The following BOD1L1 variants were observed in gnomAD, a reference collection of about 807,000 sequenced individuals.
BOD1L1 encodes biorientation of chromosomes in cell division 1 like 1, also known as biorientation of chromosomes in cell division protein 1-like 1.
BOD1L1 carries 86 observed loss-of-function variants against 240.7 expected under a neutral mutation model. That is an observed-to-expected ratio of 0.36 (90% CI 0.30 to 0.43). The LOEUF (loss-of-function observed/expected upper bound fraction) is 0.43. BOD1L1 is among the 20% of genes least tolerant of loss of function. BOD1L1 has a pLI of 1.00. For synonymous variants in BOD1L1, 1,268 were observed against 1,272.3 expected, an observed-to-expected ratio of 1.00 and a Z score of 0.07; for missense variants, 3,554 against 3,643.5, an observed-to-expected ratio of 0.98 and a Z score of 0.63.
chr4:13,602,625 T>C lies in BOD1L1; in HGVS notation c.4275A>G (p.Thr1425=), dbSNP rs760544620. ...DLNAEPNLKQ[T]IKATVENGKK... ...TGCCATTCTCTACTGTTGCTTTAAT[T>C]GTCTGCTTTAAATTGGGCTCTGCAT... The change falls in exon 10 of 26, where the codon ACA becomes ACG. Residue 1425 remains threonine, a synonymous_variant. Coordinates refer to ENST00000040738, the MANE Select transcript of BOD1L1 (RefSeq NM_148894.3). 1.5e-5 allele frequency: 25 copies of C among 1,613,962 alleles called. No individual in the cohort carries two copies. Among genetic ancestry groups the C allele is most frequent in the Non-Finnish European group, 2.0e-5 (24 of 1,179,910 alleles).
At chr4:13,582,149 A>T in intron 19 of BOD1L1, 88 bp downstream of exon 19, 1 of 1,133,694 alleles carries the variant, frequency 8.8e-7, no homozygotes, top group Non-Finnish European at 1.3e-6. Flanking sequence ...AGTACTTAAG[A>T]AAAACTCAAG....
rs759677339 is a variant in BOD1L1, at chr4:13,599,058, A to G, written c.7842T>C (p.Thr2614=). Residue 2614 remains threonine, a synonymous_variant, in exon 10 of 26, where the codon ACT becomes ACC. Transcript: ENST00000040738. ...CTGTTTTCTCAGCAGATGCTTGATCAGTCCATTTGCCACTATAATCATTCT... is the reference window on the plus strand; with the variant it reads ...CTGTTTTCTCAGCAGATGCTTGATCGGTCCATTTGCCACTATAATCATTCT... ...TIKNDYSGKW[T]DQASAEKTGD... 2 of 1,614,034 alleles carry G rather than the reference A, an allele frequency of 1.2e-6. No homozygotes were observed. Among genetic ancestry groups the G allele is most frequent in the South Asian group, 2.2e-5 (2 of 91,088 alleles).
intron 2 of BOD1L1, among the ~76,000 whole-genome samples, chr4:13,616,651 C>G (rs2108989183): frequency 6.6e-6 from 1 of 152,316 alleles, no homozygotes. Flanking sequence ...GGATGAGGAG[C>G]CATCTTTCCT....
intron 10 of BOD1L1, 51 bp from the exon 11 acceptor site, chr4:13,597,219 A>G: frequency 7.2e-7 from 1 of 1,398,598 alleles, no homozygotes; most frequent in Non-Finnish European, 9.9e-7. Context: ...CTTGCAAAAT[A>G]CATCTGGGGT....
intron 12 of BOD1L1, chr4:13,592,285 A>C: frequency 7.8e-6 from 2 of 255,508 alleles, no homozygotes; most frequent in East Asian, 8.7e-5. Flanking sequence ...AAAGACCTTA[A>C]TGTAGCTGTT....
rs1376992964 is a variant in BOD1L1, at chr4:13,614,000, T to C, written c.1174+196A>G. On this transcript the variant is annotated intron_variant, in intron 4 of 25. Transcript: ENST00000040738. This position sits in a 1 kb window ranked among gnomAD's most constrained non-coding sequence, Gnocchi z 4.0. ...ACAAATTATAAATTAATAACTTCTG[T>C]TAATTTACTCTGTGAACAGATATAT... 3.3e-5 allele frequency among the ~76,000 whole-genome samples: 5 copies of C among 152,190 alleles called. No individual in the cohort carries two copies. The highest frequency in any genetic ancestry group is 7.4e-5 in the Non-Finnish European group (5 of 68,026).
rs867559370 is a variant in BOD1L1, at chr4:13,599,565, T to C, written c.7335A>G (p.Ala2445=). 6.2e-7 allele frequency: 1 copy of C among 1,614,070 alleles called. No homozygotes were observed. Residue 2445 remains alanine, a synonymous_variant, in exon 10 of 26, where the codon GCA becomes GCG. Transcript: ENST00000040738. ...GKECPEIGPF[A]GRGQKESTLH... ...AAGTGCTCTCTTTCTGTCCTCTTCC[T>C]GCAAATGGTCCTATTTCGGGGCACT...
Position 13,614,524 on chromosome 4 carries a change from G to T in BOD1L1, c.846C>A (p.Asp282Glu). ...TAATTTCTTCGACTGGACAGGGGAG[G>T]TCGCTGAACTCTTCAGACTTTGGGG... ...ETAPKSEEFS[D>E]LPCPVEEIKN... The change falls in exon 4 of 26, where the codon GAC becomes GAA. Residue 282 changes from aspartate (D) to glutamate (E), a missense_variant. Asp to Glu is a conservative substitution (Grantham distance 45). This residue lies in a region of BOD1L1 where 3,393 missense variants were observed against 3,427.1 expected (regional missense o/e 0.99). Transcript: ENST00000040738. 6.2e-7 allele frequency: 1 copy of T among 1,614,000 alleles called. No individual in the cohort carries two copies. The highest frequency in any genetic ancestry group is 8.5e-7 in the Non-Finnish European group (1 of 1,179,896).
chr4:13,602,063 C>A lies in BOD1L1; in HGVS notation c.4837G>T (p.Gly1613Trp). 6.2e-7 allele frequency: 1 copy of A among 1,614,022 alleles called. No homozygotes were observed. The highest frequency in any genetic ancestry group is 8.5e-7 in the Non-Finnish European group (1 of 1,179,902). ...GCCACAGCACACTCCCCACTTTCCCCTTCCTTAGTGCTTGTGAGGAAGGTT... is the reference window on the plus strand; with the variant it reads ...GCCACAGCACACTCCCCACTTTCCCATTCCTTAGTGCTTGTGAGGAAGGTT... ...SETFLTSTKE[G>W]ESGECAVAES... Residue 1613 changes from glycine (G) to tryptophan (W), a missense_variant, in exon 10 of 26, where the codon GGG becomes TGG. Coordinates refer to ENST00000040738, the MANE Select transcript of BOD1L1 (RefSeq NM_148894.3).
At chr4:13,619,173 G>A (rs1043359501) in intron 2 of BOD1L1, among the ~76,000 whole-genome samples, 2 of 151,850 alleles carry the variant, frequency 1.3e-5, no homozygotes, top group Admixed American at 6.6e-5. Flanking sequence ...AAAATACAAC[G>A]ATAAGCTGGG....
chr4:13,572,994 A>T (rs570211880), intron 25 of BOD1L1, among the ~76,000 whole-genome samples: 7 of 152,328 alleles, frequency 4.6e-5, no homozygotes, highest in African/African-American at 1.4e-4. Context: ...ACTGCTGATA[A>T]GTCGATCTTA....
At position 13,606,238 on chromosome 4, in the gene BOD1L1, A is replaced by T. The variant is rs141639360; in HGVS notation, c.1815+879T>A. On this transcript the variant is annotated intron_variant, in intron 9 of 25. Coordinates refer to ENST00000040738, the MANE Select transcript of BOD1L1 (RefSeq NM_148894.3). ...AAAACTAATTCTAAGCAATGTGAATACTATTTTATGAGATAATTTCTTATA... is the reference window on the plus strand; with the variant it reads ...AAAACTAATTCTAAGCAATGTGAATTCTATTTTATGAGATAATTTCTTATA... 4.4e-3 allele frequency among the ~76,000 whole-genome samples: 667 copies of T among 152,342 alleles called. 5 individuals carry two copies. Among genetic ancestry groups the T allele is most frequent in the African/African-American group, 0.015 (630 of 41,586 alleles).
At chr4:13,622,602 C>T (rs992916485) in intron 1 of BOD1L1, among the ~76,000 whole-genome samples, 17 of 152,292 alleles carry the variant, frequency 1.1e-4, no homozygotes, top group African/African-American at 3.8e-4. Context: ...TGAAAATACA[C>T]CCAGAATCTG....
intron 19 of BOD1L1, among the ~76,000 whole-genome samples, chr4:13,581,836 C>T (rs561913643): frequency 6.6e-6 from 1 of 152,278 alleles, no homozygotes; most frequent in East Asian, 1.9e-4. Flanking sequence ...GTATTCCCTG[C>T]ATGCCTTCTG....
rs1224592745 is a variant in BOD1L1, at chr4:13,582,582, G to T, written c.8518+70C>A. 13 of 1,178,822 alleles carry T rather than the reference G, an allele frequency of 1.1e-5. No homozygotes were observed. The Admixed American group carries it at 1.2e-4, about 11-fold the overall frequency. 73.0% of individuals were successfully genotyped at this position (1,178,822 alleles called of 1,614,324 possible). A position where few individuals can be genotyped will look rare whatever the true frequency, so the allele number is the denominator to read the frequency against. ...GGAAAAGTAAATGAGCAAAATAGAC[G>T]TTTCGGTTGAGAGACACGCTGGCTG... On this transcript the variant is annotated intron_variant, in intron 18 of 25. Coordinates refer to ENST00000040738, the MANE Select transcript of BOD1L1 (RefSeq NM_148894.3).
intron 22 of BOD1L1, among the ~76,000 whole-genome samples, chr4:13,578,472 C>A (rs1712959684): frequency 6.6e-6 from 1 of 152,150 alleles, no homozygotes; most frequent in African/African-American, 2.4e-5. Flanking sequence ...TGCAAATATT[C>A]CAAAATCTGA....
chr4:13,599,998 C>T lies in BOD1L1; in HGVS notation c.6902G>A (p.Cys2301Tyr), dbSNP rs369648735. ...AMISTSTSEG[C>Y]EAVMIGAVLQ... The stretch of plus-strand genomic sequence containing the variant: ...GACAGCACCAATCATGACTGCTTCA[C>T]ACCCTTCAGAGGTGCTTGTGGAAAT... The change falls in exon 10 of 26, where the codon TGT becomes TAT. Residue 2301 changes from cysteine (C) to tyrosine (Y), a missense_variant. By Grantham distance (194) the Cys-to-Tyr change is radical (BLOSUM62 -2). This residue lies in a region of BOD1L1 where 3,393 missense variants were observed against 3,427.1 expected (regional missense o/e 0.99). Transcript: ENST00000040738. 4 of 1,610,404 alleles carry T rather than the reference C, an allele frequency of 2.5e-6. No homozygotes were observed. The highest frequency in any genetic ancestry group is 2.7e-5 in the African/African-American group (2 of 74,880).
rs534851263 is a variant in BOD1L1 at position 13,610,311 on chromosome 4, G to A, written c.1491+623C>T. ...AATAGCATTTCCATATCAATAGTAT[G>A]TTAATAGCTGCATACTGTATTTTTG... On this transcript the variant is annotated intron_variant, in intron 6 of 25. Transcript: ENST00000040738. 5.3e-5 allele frequency among the ~76,000 whole-genome samples: 8 copies of A among 152,264 alleles called. No individual in the cohort carries two copies. The South Asian group carries it at 8.3e-4, about 16-fold the overall frequency.
chr4:13,586,119 A>G (rs188708788), intron 17 of BOD1L1, among the ~76,000 whole-genome samples: 2 of 152,236 alleles, frequency 1.3e-5, no homozygotes, highest in African/African-American at 4.8e-5. Flanking sequence ...TAGAAACCTC[A>G]AGAAATCAAT....
Sources: gnomAD v4.1 joint callset for allele counts (sites outside exome capture counted in the v4.1 genomes callset) on GRCh38, gnomAD v4.1.1 for gene constraint, gnomAD v4.1.1 regional missense constraint, Gnocchi (gnomAD v3.1) non-coding constraint, MANE v1.5 for transcripts, NCBI Gene and HGNC (gene_info 2026-07-23, HGNC 2026-07-21) for gene names.